Variants in STOX1 observed in about 807,000 individuals in gnomAD.
STOX1 encodes storkhead-box protein 1.
Under a neutral mutation model 74.8 loss-of-function variants are expected in STOX1, and 57 were observed. That is an observed-to-expected ratio of 0.76 (90% CI 0.62 to 0.95). The LOEUF (loss-of-function observed/expected upper bound fraction) is 0.95. Among genes scored for constraint, STOX1 ranks in the 40% least tolerant of loss-of-function variants. The pLI, the probability that STOX1 is intolerant of heterozygous loss-of-function variation, is 0.00. For synonymous variants in STOX1, 375 were observed against 401.3 expected (o/e 0.93, Z 0.78); for missense variants, 1,010 against 1,117.0 (o/e 0.90, Z 1.37).
chr10:68,859,364 G>T (rs1300411819), intron 1 of STOX1, among the ~76,000 whole-genome samples: 2 of 152,020 alleles, frequency 1.3e-5, no homozygotes, highest in East Asian at 3.8e-4. Flanking sequence ...TCCTCATCCA[G>T]GAAGAGTGCC....
chr10:68,827,564 G>T lies in STOX1; in HGVS notation c.-60G>T. 1 of 1,064,444 alleles carries T rather than the reference G, an allele frequency of 9.4e-7. No homozygotes were observed. The highest frequency in any genetic ancestry group is 1.1e-6 in the Non-Finnish European group (1 of 871,288). 65.9% of individuals were successfully genotyped at this position (1,064,444 alleles called of 1,614,324 possible). A position where few individuals can be genotyped will look rare whatever the true frequency, so the allele number is the denominator to read the frequency against. ...CCGATCCTCCCGCCGAGCGAGCGGC[G>T]TCGTAGCCGCCGCGCTCGCCGAGGC... On this transcript the variant is annotated 5_prime_UTR_variant, in exon 1 of 4. Coordinates refer to ENST00000298596, the MANE Select transcript of STOX1 (RefSeq NM_152709.5).
chr10:68,847,129 AG>A (rs1282778874), intron 1 of STOX1, among the ~76,000 whole-genome samples: 1 of 152,214 alleles, frequency 6.6e-6, no homozygotes, highest in African/African-American at 2.4e-5. Context: ...TAAGGAATTC[AG>A]GTGCTTGAAA....
rs1367008528 is a variant in STOX1, at chr10:68,852,639, A to C, written c.310+24706A>C. Among the ~76,000 whole-genome samples, 3 of 150,448 alleles carry C rather than the reference A, an allele frequency of 2.0e-5. 1 individual carries two copies. The highest frequency in any genetic ancestry group is 7.4e-5 in the African/African-American group (3 of 40,666). On this transcript the variant is annotated intron_variant, in intron 1 of 3. Transcript: ENST00000298596. The stretch of plus-strand genomic sequence containing the variant: ...CAATCTATTGCCCAGGCTGTAGCGC[A>C]GTCTCACGATCATAGCTCACTGCAG...
At chr10:68,853,754 C>T (rs977044818) in intron 1 of STOX1, among the ~76,000 whole-genome samples, 2 of 151,634 alleles carry the variant, frequency 1.3e-5, no homozygotes, top group Non-Finnish European at 1.5e-5. Context: ...GGCATGATCT[C>T]GGCTCACTGC....
chr10:68,895,199 AT>A (rs2132011822), downstream of STOX1: 1 of 152,328 alleles, frequency 6.6e-6, no homozygotes, highest in East Asian at 1.9e-4. Context: ...ATTTTGAAGA[AT>A]CCTTCCAACT....
rs2131994962 is a variant in STOX1 at position 68,884,247 on chromosome 10, T to G, written c.464-13T>G. The G allele has an allele frequency of 6.2e-7, 1 of 1,613,520 alleles. No homozygotes were observed. The highest frequency in any genetic ancestry group is 1.7e-4 in the Middle Eastern group (1 of 6,052). On this transcript the variant is annotated splice_polypyrimidine_tract_variant and intron_variant, in intron 2 of 3. Transcript: ENST00000298596. ...TATTCAAAATCTATCTGTAAAATGC[T>G]TGTCTGTTTTAGGCATTGCAATTCC...
At position 68,862,667 on chromosome 10, in the gene STOX1, G is replaced by A. The variant is rs530493636; in HGVS notation, c.311-19291G>A. On this transcript the variant is annotated intron_variant, in intron 1 of 3. Coordinates refer to ENST00000298596, the MANE Select transcript of STOX1 (RefSeq NM_152709.5). Reference sequence around the variant, plus strand: ...TTTCCAGATAATAGGAACTCTTGCCGTACTTCTTATCATTTCTGCTATCTG... The same window carrying A: ...TTTCCAGATAATAGGAACTCTTGCCATACTTCTTATCATTTCTGCTATCTG... Among the ~76,000 whole-genome samples, 45 of 152,102 alleles carry A rather than the reference G, an allele frequency of 3.0e-4. 1 individual carries two copies. The highest frequency in any genetic ancestry group is 8.9e-4 in the African/African-American group (37 of 41,406).
At chr10:68,831,587 G>A (rs1156271533) in intron 1 of STOX1, among the ~76,000 whole-genome samples, 2 of 152,078 alleles carry the variant, frequency 1.3e-5, no homozygotes, top group Non-Finnish European at 2.9e-5. Flanking sequence ...GAGGGATGGC[G>A]GTCAGCTTTA....
chr10:68,876,066 C>CT (rs538649877), intron 1 of STOX1, among the ~76,000 whole-genome samples: 3,221 of 140,134 alleles, frequency 0.023, 31 homozygotes, highest in Middle Eastern at 0.052. Context: ...TTACTTTTGA[C>CT]TTTTTTTTTT....
chr10:68,885,406 T>C lies in STOX1; in HGVS notation c.1610T>C (p.Leu537Ser), dbSNP rs1840919657. Residue 537 changes from leucine to serine, a missense_variant, in exon 3 of 4, where the codon TTG becomes TCG. Coordinates refer to ENST00000298596, the MANE Select transcript of STOX1 (RefSeq NM_152709.5). ...KEKPFQKPRSLDSSRIFDGKA... is the reference protein window; with the variant it reads ...KEKPFQKPRSSDSSRIFDGKA... ...AAGCCTTTCCAAAAGCCTAGGTCCT[T>C]GGATTCCTCAAGAATCTTTGATGGT... is the stretch of plus-strand genomic sequence containing the variant. The C allele has an allele frequency of 1.2e-6, 2 of 1,614,084 alleles. No individual in the cohort carries two copies. The highest frequency in any genetic ancestry group is 2.2e-5 in the South Asian group (2 of 91,088).
chr10:68,848,107 T>C lies in STOX1; in HGVS notation c.310+20174T>C, dbSNP rs138036908. On this transcript the variant is annotated intron_variant, in intron 1 of 3. Transcript: ENST00000298596. ...TAGATCAAGTCCTTTCCTTTAGTTG[T>C]TGATCAAGAACCATGCTGGGCCAGC... Among the ~76,000 whole-genome samples the C allele has an allele frequency of 3.3e-4, 50 of 152,314 alleles. No homozygotes were observed. The East Asian group carries it at 8.9e-3, about 27-fold the overall frequency.
rs563770801 is a variant in STOX1, at chr10:68,867,960, C to T, written c.311-13998C>T. On this transcript the variant is annotated intron_variant, in intron 1 of 3. Transcript: ENST00000298596. ...GACTCAAATAAGCCTCATGCCTGTT[C>T]GACCCTTGTCTTATTTTTACCCTGA... 9.4e-4 allele frequency among the ~76,000 whole-genome samples: 142 copies of T among 151,698 alleles called. 1 individual carries two copies. Among genetic ancestry groups the T allele is most frequent in the African/African-American group, 3.3e-3 (136 of 40,964 alleles).
intron 1 of STOX1, 38 bp from the exon 2 acceptor site, chr10:68,881,920 T>C: frequency 1.2e-6 from 2 of 1,613,042 alleles, no homozygotes; most frequent in South Asian, 1.1e-5. Context: ...ATCAAATTTA[T>C]CAACCCCCTC....
intron 3 of STOX1, among the ~76,000 whole-genome samples, chr10:68,888,032 T>C (rs2132002512): frequency 6.6e-6 from 1 of 152,212 alleles, no homozygotes; most frequent in Non-Finnish European, 1.5e-5. Flanking sequence ...GGTTGAAAAA[T>C]ATTTTTTAAA....
At position 68,881,896 on chromosome 10, in the gene STOX1, A is replaced by T. The variant is rs1325380587; in HGVS notation, c.311-62A>T. The T allele has an allele frequency of 2.5e-6, 4 of 1,598,632 alleles. No homozygotes were observed. The East Asian group carries it at 9.0e-5, about 36-fold the overall frequency. ...TTTATTTTTGTTTCACTAATTCCAAACATTTTATACTATATCAAATTTATC... is the reference window on the plus strand; with the variant it reads ...TTTATTTTTGTTTCACTAATTCCAATCATTTTATACTATATCAAATTTATC... On this transcript the variant is annotated intron_variant, in intron 1 of 3. Transcript: ENST00000298596.
intron 1 of STOX1, among the ~76,000 whole-genome samples, chr10:68,832,565 T>C (rs189101270): frequency 6.6e-6 from 1 of 151,696 alleles, no homozygotes; most frequent in African/African-American, 2.4e-5. Context: ...CCCAGCTACT[T>C]GGGAGGCTAA....
intron 1 of STOX1, among the ~76,000 whole-genome samples, chr10:68,866,863 G>A (rs563464751): frequency 2.1e-4 from 32 of 152,262 alleles, no homozygotes; most frequent in South Asian, 8.3e-4. Flanking sequence ...GGCCCAGGAC[G>A]GGCCTCTCAT....
At chr10:68,852,763 A>C (rs1471979557) in intron 1 of STOX1, among the ~76,000 whole-genome samples, 1 of 143,116 alleles carries the variant, frequency 7.0e-6, no homozygotes, top group Admixed American at 7.1e-5. Flanking sequence ...TTTTTTTGAG[A>C]TGGAGTCTCG....
At position 68,884,456 on chromosome 10, in the gene STOX1, T is replaced by C. The variant is rs1840886932; in HGVS notation, c.660T>C (p.Tyr220=). ...GCCTGATGCCAGCTTCCATGACATA[T>C]CTGGTGAGCATGGAGAGCTGTGCAG... ...ESRLMPASMT[Y]LVSMESCAES... Residue 220 remains tyrosine, a synonymous_variant, in exon 3 of 4, where the codon TAT becomes TAC. Transcript: ENST00000298596. 2 of 1,613,822 alleles carry C rather than the reference T, an allele frequency of 1.2e-6. No homozygotes were observed. The highest frequency in any genetic ancestry group is 1.7e-6 in the Non-Finnish European group (2 of 1,180,018).
Sources: gnomAD v4.1 joint callset for allele counts (sites outside exome capture counted in the v4.1 genomes callset) on GRCh38, gnomAD v4.1.1 for gene constraint, MANE v1.5 for transcripts, NCBI Gene and HGNC (gene_info 2026-07-23, HGNC 2026-07-21) for gene names.